Variants in RBM34 observed in about 807,000 individuals in gnomAD.
RBM34 encodes the protein RNA binding motif protein 34.
Under a neutral mutation model 44.6 loss-of-function variants are expected in RBM34, and 39 were observed. The observed-to-expected ratio is 0.87, with a 90% CI of 0.68 to 1.14. The LOEUF (loss-of-function observed/expected upper bound fraction) is 1.14. Among genes scored for constraint, RBM34 ranks in the 50% most tolerant of loss-of-function variants. RBM34 has a pLI of 0.00. For synonymous variants in RBM34, 194 were observed against 184.0 expected, an observed-to-expected ratio of 1.05 and a Z score of -0.44; for missense variants, 572 against 517.9, an observed-to-expected ratio of 1.10 and a Z score of -1.01.
At chr1:235,136,566 A>G (rs755590968) in intron 8 of RBM34, among the ~76,000 whole-genome samples, 4 of 152,202 alleles carry the variant, frequency 2.6e-5, no homozygotes, top group South Asian at 2.1e-4. Flanking sequence ...TGGGTCCCCA[A>G]GTCAAGCCAG....
intron 10 of RBM34, among the ~76,000 whole-genome samples, chr1:235,133,067 C>T (rs1661281594): frequency 6.6e-6 from 1 of 152,108 alleles, no homozygotes; most frequent in Admixed American, 6.6e-5. Context: ...CCAGGCCAGG[C>T]GGGGTAGCTC....
chr1:235,144,799 T>C (rs1281250629), intron 6 of RBM34, among the ~76,000 whole-genome samples: 3 of 152,122 alleles, frequency 2.0e-5, no homozygotes, highest in Non-Finnish European at 2.9e-5. Context: ...TCCCAGCACT[T>C]TGGGAGGCCG....
chr1:235,148,461 A>G lies in RBM34; in HGVS notation c.658-14T>C. 6.3e-7 allele frequency: 1 copy of G among 1,576,182 alleles called. No homozygotes were observed. Among genetic ancestry groups the G allele is most frequent in the Non-Finnish European group, 8.6e-7 (1 of 1,163,644 alleles). On this transcript the variant is annotated splice_polypyrimidine_tract_variant and intron_variant, in intron 5 of 10. Coordinates refer to ENST00000408888, the MANE Select transcript of RBM34 (RefSeq NM_015014.4). ...CTCTGCTGGAATCTTTCAAGAGAAAAAAAAAAGTATTAAAGACAGTATTTG... is the reference window on the plus strand; with the variant it reads ...CTCTGCTGGAATCTTTCAAGAGAAAGAAAAAAGTATTAAAGACAGTATTTG...
At chr1:235,157,964 C>CAAG (rs1558150362) in intron 3 of RBM34, among the ~76,000 whole-genome samples, 1 of 151,728 alleles carries the variant, frequency 6.6e-6, no homozygotes, top group Non-Finnish European at 1.5e-5. Context: ...GGAGAGAGTA[C>CAAG]AAGAACAGAC....
At chr1:235,152,351 T>G in intron 5 of RBM34, 1 of 392,214 alleles carries the variant, frequency 2.5e-6, no homozygotes, top group Non-Finnish European at 3.5e-6. Flanking sequence ...CCTCCCATAC[T>G]AATGTGTATG....
rs1558148540 is a variant in RBM34 at position 235,155,060 on chromosome 1, CTT to C, written c.416_417del (p.Gln139ArgfsTer12). 1 of 1,613,856 alleles carries C rather than the reference CTT, an allele frequency of 6.2e-7. No homozygotes were observed. Among genetic ancestry groups the C allele is most frequent in the East Asian group, 2.2e-5 (1 of 44,862 alleles). The stretch of plus-strand genomic sequence containing the variant: ...GGTTGAGAATTTTTCCTTTTCTGCC[CTT>C]GTTTCTGGTGAATTTCTTCTTCTAA... Reference protein sequence around the residue: ...ADLEEEIHQKQGQKRKNSQPG... With the variant: ...ADLEEEIHQKXGQKRKNSQPG... On this transcript the variant is annotated frameshift_variant, in exon 4 of 11. Coordinates refer to ENST00000408888, the MANE Select transcript of RBM34 (RefSeq NM_015014.4). LOFTEE classifies it high-confidence loss of function.
At chr1:235,154,839 A>G (rs765157583) in intron 4 of RBM34, 42 bp downstream of exon 4, 1 of 1,492,412 alleles carries the variant, frequency 6.7e-7, no homozygotes, top group Admixed American at 1.7e-5. Context: ...AGGAAGAACA[A>G]AGTTATTAAC....
intron 3 of RBM34, among the ~76,000 whole-genome samples, chr1:235,157,760 G>A (rs567351586): frequency 7.2e-5 from 11 of 152,266 alleles, no homozygotes; most frequent in African/African-American, 1.7e-4. Flanking sequence ...CAGAGAATCC[G>A]GTAGCTTCAA....
At position 235,154,987 on chromosome 1, in the gene RBM34, G is replaced by C. The variant is rs754184060; in HGVS notation, c.491C>G (p.Thr164Arg). 1 of 1,613,744 alleles carries C rather than the reference G, an allele frequency of 6.2e-7. No individual in the cohort carries two copies. The highest frequency in any genetic ancestry group is 1.3e-5 in the African/African-American group (1 of 74,894). Residue 164 changes from threonine to arginine, a missense_variant, in exon 4 of 11, where the codon ACA becomes AGA. Coordinates refer to ENST00000408888, the MANE Select transcript of RBM34 (RefSeq NM_015014.4). ...AATTTTCTTTCTTTGACTGACAACT[G>C]TGTCTTCTGTGTCATCAAGTATTTT... ...DRKILDDTEDTVVSQRKKIQI... is the reference protein window; with the variant it reads ...DRKILDDTEDRVVSQRKKIQI...
At chr1:235,159,212 CAAA>C (rs1352095926) in intron 3 of RBM34, among the ~76,000 whole-genome samples, 12 of 84,604 alleles carry the variant, frequency 1.4e-4, no homozygotes, top group Admixed American at 2.5e-4. Flanking sequence ...GACCTTGTCT[CAAA>C]AAAAAAAAAA....
At chr1:235,158,003 A>AAGG (rs914269148) in intron 3 of RBM34, among the ~76,000 whole-genome samples, 4 of 152,070 alleles carry the variant, frequency 2.6e-5, no homozygotes, top group African/African-American at 9.7e-5. Flanking sequence ...GACTGAAGGG[A>AAGG]AGGACTGTGG....
chr1:235,138,892 C>T (rs923320979), intron 6 of RBM34, among the ~76,000 whole-genome samples: 1 of 152,184 alleles, frequency 6.6e-6, no homozygotes, highest in African/African-American at 2.4e-5. Flanking sequence ...TTTGTGACTG[C>T]AAGCTCATCA....
At chr1:235,144,716 C>A (rs1661831459) in intron 6 of RBM34, among the ~76,000 whole-genome samples, 1 of 152,000 alleles carries the variant, frequency 6.6e-6, no homozygotes, top group African/African-American at 2.4e-5. Flanking sequence ...CACTGCACTT[C>A]TGCTGGAGAA....
chr1:235,141,279 G>A (rs572704537), intron 6 of RBM34, among the ~76,000 whole-genome samples: 1 of 151,334 alleles, frequency 6.6e-6, no homozygotes, highest in African/African-American at 2.4e-5. Context: ...TCTAGCTCAA[G>A]GTTTATAAAC....
chr1:235,132,066 C>G (rs900465070), intron 10 of RBM34, 69 bp from the exon 11 acceptor site: 60 of 1,409,176 alleles, frequency 4.3e-5, no homozygotes, highest in Non-Finnish European at 5.3e-5. Flanking sequence ...GTGAAAGTGT[C>G]ACTTTAACAG....
intron 6 of RBM34, among the ~76,000 whole-genome samples, chr1:235,145,674 G>C (rs1054715273): frequency 6.6e-6 from 1 of 152,188 alleles, no homozygotes; most frequent in South Asian, 2.1e-4. Flanking sequence ...TCAAAATTGT[G>C]AATGCAAATA....
chr1:235,145,245 C>T (rs532849812), intron 6 of RBM34, among the ~76,000 whole-genome samples: 282 of 151,878 alleles, frequency 1.9e-3, no homozygotes, highest in African/African-American at 6.4e-3. Context: ...AAATACCACA[C>T]TCAGGTTTCC....
chr1:235,143,874 T>C (rs573856005), intron 6 of RBM34, among the ~76,000 whole-genome samples: 4 of 152,208 alleles, frequency 2.6e-5, no homozygotes, highest in South Asian at 2.1e-4. Flanking sequence ...TACCAATGCA[T>C]TGCAATAATA....
chr1:235,137,272 C>T (rs1661466869), intron 8 of RBM34, among the ~76,000 whole-genome samples: 1 of 152,200 alleles, frequency 6.6e-6, no homozygotes, highest in Admixed American at 6.5e-5. Flanking sequence ...TAAAAACTGT[C>T]TAATGAATAA....
Sources: allele counts gnomAD v4.1 joint callset (sites outside exome capture counted in the v4.1 genomes callset), GRCh38; gene constraint gnomAD v4.1.1; transcripts MANE v1.5; gene names NCBI Gene and HGNC (gene_info 2026-07-23, HGNC 2026-07-21).